Variants in PITRM1 observed in about 807,000 individuals in gnomAD.
PITRM1 encodes pitrilysin metallopeptidase 1, also known as presequence protease, mitochondrial.
In PITRM1, 100 loss-of-function variants were observed where a neutral mutation model predicts 129.9. The ratio of observed to expected loss-of-function variants is 0.77; its 90% CI spans 0.65 to 0.91. PITRM1 has a LOEUF of 0.91. Ranked by LOEUF, PITRM1 falls within the 40% of genes least tolerant of loss-of-function variation. The pLI is 0.00. For synonymous variants in PITRM1, 591 were observed against 508.8 expected (o/e 1.16, Z -2.17); for missense variants, 1,471 against 1,318.3 (o/e 1.12, Z -1.79).
Position 3,159,027 on chromosome 10 carries a change from A to AAATGT in PITRM1, c.1018_1022dup (p.Phe341LeufsTer8), listed in dbSNP as rs754806778. The stretch of plus-strand genomic sequence containing the variant: ...ACAGAAGACTTAATGTGAAGGCTTC[A>AAATGT]AATGTGTCGGTGATGCTGCATTGAA... On this transcript the variant is annotated frameshift_variant, in exon 10 of 27. Transcript: ENST00000224949. LOFTEE classifies it high-confidence loss of function. The AAATGT allele has an allele frequency of 6.2e-7, 1 of 1,613,526 alleles. No homozygotes were observed. The highest frequency in any genetic ancestry group is 8.5e-7 in the Non-Finnish European group (1 of 1,179,674).
Position 3,143,387 on chromosome 10 carries a change from A to AC in PITRM1, c.2645+1dup. 6.3e-7 allele frequency: 1 copy of AC among 1,591,020 alleles called. No individual in the cohort carries two copies. Among genetic ancestry groups the AC allele is most frequent in the Non-Finnish European group, 8.6e-7 (1 of 1,159,050 alleles). On this transcript the variant is annotated splice_donor_variant, in intron 23 of 26. Coordinates refer to ENST00000224949, the MANE Select transcript of PITRM1 (RefSeq NM_014889.4). LOFTEE classifies it high-confidence loss of function. ...GAGAGGTCCCGACCTACACCCTCCT[A>AC]CCTGGCATGATCTGGGTCCGTGTAG...
chr10:3,167,108 C>T (rs547148195), intron 2 of PITRM1, 66 bp from the exon 3 acceptor site: 273 of 894,698 alleles, frequency 3.1e-4, no homozygotes, highest in Non-Finnish European at 4.4e-4. Context: ...TGGTTATGTT[C>T]GACACACTGA....
intron 25 of PITRM1, 112 bp from the exon 26 acceptor site, chr10:3,138,449 T>C (rs1047990513): frequency 6.2e-5 from 46 of 743,670 alleles, no homozygotes; most frequent in Middle Eastern, 3.4e-4. Flanking sequence ...TTCACGTGCA[T>C]GTTTCAACCA....
chr10:3,155,497 AAAT>A, intron 14 of PITRM1, 91 bp downstream of exon 14: 1 of 1,505,032 alleles, frequency 6.6e-7, no homozygotes, highest in South Asian at 1.2e-5. Flanking sequence ...CTGTTGGTTG[AAAT>A]AATACCTGCC....
chr10:3,143,574 C>G, intron 22 of PITRM1, 73 bp from the exon 23 acceptor site: 1 of 1,041,852 alleles, frequency 9.6e-7, no homozygotes, highest in Non-Finnish European at 1.5e-6. Flanking sequence ...TGGACCCACT[C>G]AGGGGTCAGA....
chr10:3,139,700 G>A (rs1252569294), intron 24 of PITRM1, among the ~76,000 whole-genome samples: 2 of 152,228 alleles, frequency 1.3e-5, no homozygotes, highest in Non-Finnish European at 2.9e-5. Context: ...GGGTCTCACT[G>A]TCGCCCAGGC....
intron 23 of PITRM1, 57 bp downstream of exon 23, chr10:3,143,332 T>A: frequency 8.9e-7 from 1 of 1,128,940 alleles, no homozygotes. Flanking sequence ...TCGAACAGCC[T>A]TGACAAGCTC....
At position 3,138,926 on chromosome 10, in the gene PITRM1, A is replaced by C; in HGVS notation, c.2895T>G (p.Ala965=). The C allele has an allele frequency of 6.2e-7, 1 of 1,613,956 alleles. No homozygotes were observed. Among genetic ancestry groups the C allele is most frequent in the Non-Finnish European group, 8.5e-7 (1 of 1,179,822 alleles). ...AKLSVFSTVD[A]PVAPSDKGMD... ...TACCTTTGTCTGAAGGAGCGACAGG[A>C]GCATCTACGGTTGAGAAGACAGAAA... The change falls in exon 25 of 27, where the codon GCT becomes GCG. Residue 965 remains alanine (A), a synonymous_variant. Coordinates refer to ENST00000224949, the MANE Select transcript of PITRM1 (RefSeq NM_014889.4).
chr10:3,157,552 C>A, intron 11 of PITRM1, 21 bp from the exon 12 acceptor site: 1 of 1,452,102 alleles, frequency 6.9e-7, no homozygotes, highest in Non-Finnish European at 9.6e-7. Context: ...CAATGAAGAA[C>A]AAAGATGGGC....
At chr10:3,172,661 G>A (rs951696886) in intron 1 of PITRM1, 56 bp downstream of exon 1, 25 of 1,491,476 alleles carry the variant, frequency 1.7e-5, no homozygotes, top group Admixed American at 6.1e-5. Flanking sequence ...GGCCTGCCCT[G>A]GACCCTCCCC....
In PITRM1 at chr10:3,159,002, A is replaced by T; in HGVS notation, c.1048T>A (p.Ser350Thr). The T allele has an allele frequency of 6.2e-7, 1 of 1,613,758 alleles. No individual in the cohort carries two copies. Among genetic ancestry groups the T allele is most frequent in the Non-Finnish European group, 8.5e-7 (1 of 1,179,708 alleles). ...TFEAFTLSLL[S>T]SLLTSGPNSP... ...TTGGGCCCAGAAGTCAAGAGTGAAGACAGAAGACTTAATGTGAAGGCTTCA... is the reference window on the plus strand; with the variant it reads ...TTGGGCCCAGAAGTCAAGAGTGAAGTCAGAAGACTTAATGTGAAGGCTTCA... The change falls in exon 10 of 27, where the codon TCT (serine) becomes ACT (threonine). Residue 350 changes from serine (S) to threonine (T), a missense_variant. Transcript: ENST00000224949.
intron 7 of PITRM1, 162 bp downstream of exon 7, chr10:3,163,563 A>G: frequency 1.7e-6 from 1 of 592,918 alleles, no homozygotes; most frequent in Non-Finnish European, 2.9e-6. Context: ...TCCAAAATCA[A>G]TGTCCAAGTA....
rs901141373 is a variant in PITRM1, at chr10:3,149,853, G to A, written c.1739-100C>T. The A allele has an allele frequency of 1.3e-5, 16 of 1,268,458 alleles. No homozygotes were observed. In the African/African-American group the frequency reaches 2.1e-4, roughly 16 times the overall value. 78.6% of individuals were successfully genotyped at this position (1,268,458 alleles called of 1,614,324 possible). A position where few individuals can be genotyped will look rare whatever the true frequency, so the allele number is the denominator to read the frequency against. ...GCTATTTATTGTTTTTTCAAGAATG[G>A]AGGTTTAAGACTTATACTAGAGTTT... On this transcript the variant is annotated intron_variant, in intron 15 of 26. Coordinates refer to ENST00000224949, the MANE Select transcript of PITRM1 (RefSeq NM_014889.4).
chr10:3,167,843 G>A (rs990046253), intron 2 of PITRM1: 9 of 152,148 alleles, frequency 5.9e-5, no homozygotes, highest in East Asian at 1.9e-4. Context: ...ATGGGTTCTC[G>A]GTGGTAGCTA....
intron 15 of PITRM1, 54 bp from the exon 16 acceptor site, chr10:3,149,807 C>T: frequency 6.4e-7 from 1 of 1,573,102 alleles, no homozygotes. Context: ...ATTCTAACCA[C>T]TTGTAATATT....
chr10:3,171,495 G>A (rs770240821), intron 1 of PITRM1, among the ~76,000 whole-genome samples: 1 of 152,162 alleles, frequency 6.6e-6, no homozygotes, highest in Non-Finnish European at 1.5e-5. Flanking sequence ...CCAGGCTGGA[G>A]TGCAGCGGTG....
chr10:3,165,195 G>A, intron 6 of PITRM1, 43 bp downstream of exon 6: 1 of 1,328,292 alleles, frequency 7.5e-7, no homozygotes. Context: ...TTGTACATGG[G>A]AAAGGTAAGC....
intron 14 of PITRM1, among the ~76,000 whole-genome samples, chr10:3,153,726 A>G (rs1015565857): frequency 6.6e-6 from 1 of 152,222 alleles, no homozygotes; most frequent in Non-Finnish European, 1.5e-5. Context: ...TTTCTTTTAC[A>G]TGATGTAACT....
rs188678419 is a variant in PITRM1 at position 3,162,741 on chromosome 10, G to A, written c.791+984C>T. ...AGGAACATGGCACCCAACACCAGGCGGGAACAGCCAGGCCACCTGGAAAGT... is the reference window on the plus strand; with the variant it reads ...AGGAACATGGCACCCAACACCAGGCAGGAACAGCCAGGCCACCTGGAAAGT... On this transcript the variant is annotated intron_variant, in intron 7 of 26. Coordinates refer to ENST00000224949, the MANE Select transcript of PITRM1 (RefSeq NM_014889.4). Among the ~76,000 whole-genome samples, 265 of 152,294 alleles carry A rather than the reference G, an allele frequency of 1.7e-3. 1 individual carries two copies. Among genetic ancestry groups the A allele is most frequent in the African/African-American group, 4.0e-3 (166 of 41,568 alleles).
Sources: allele counts gnomAD v4.1 joint callset (sites outside exome capture counted in the v4.1 genomes callset), GRCh38; gene constraint gnomAD v4.1.1; transcripts MANE v1.5; gene names NCBI Gene and HGNC (gene_info 2026-07-23, HGNC 2026-07-21).